Variants in SH3GL2 observed in about 807,000 individuals in gnomAD.
SH3GL2 encodes endophilin-A1.
SH3GL2 carries 24 observed loss-of-function variants against 46.0 expected under a neutral mutation model. The ratio of observed to expected loss-of-function variants is 0.52; its 90% CI spans 0.38 to 0.73. The LOEUF (loss-of-function observed/expected upper bound fraction) is 0.73, where lower values mean the gene tolerates loss of function less well. Among genes scored for constraint, SH3GL2 ranks in the 30% least tolerant of loss-of-function variants. The probability of loss-of-function intolerance (pLI) is 0.00; values close to 1 mark genes in which losing one functional copy is unlikely to be tolerated. For missense variants in SH3GL2, 413 were observed against 424.2 expected (o/e 0.97, Z 0.23); for synonymous variants, 196 against 147.1 (o/e 1.33, Z -2.40).
chr9:17,745,677 A>G (rs1448478693), intron 1 of SH3GL2, among the ~76,000 whole-genome samples: 1 of 152,094 alleles, frequency 6.6e-6, no homozygotes, highest in African/African-American at 2.4e-5. Context: ...GGGGTAAGCA[A>G]CACAGCTCAG....
intron 1 of SH3GL2, among the ~76,000 whole-genome samples, chr9:17,646,758 A>G (rs1382596337): frequency 6.6e-6 from 1 of 152,188 alleles, no homozygotes; most frequent in African/African-American, 2.4e-5. Flanking sequence ...TTCATCCCAC[A>G]GGGGCAACTG....
intron 6 of SH3GL2, among the ~76,000 whole-genome samples, chr9:17,790,902 A>G (rs1321472741): frequency 6.6e-6 from 1 of 152,200 alleles, no homozygotes; most frequent in East Asian, 1.9e-4. Context: ...CTTCTTTTCT[A>G]TAGAATAAAA....
chr9:17,741,538 A>G (rs1222062678), intron 1 of SH3GL2, among the ~76,000 whole-genome samples: 1 of 152,170 alleles, frequency 6.6e-6, no homozygotes, highest in African/African-American at 2.4e-5. Flanking sequence ...CCTGTTTTTG[A>G]TAGAGTAAAA....
intron 1 of SH3GL2, among the ~76,000 whole-genome samples, chr9:17,645,471 G>T (rs561387080): frequency 5.3e-5 from 8 of 152,022 alleles, no homozygotes; most frequent in Non-Finnish European, 8.8e-5. Flanking sequence ...TAATGTTGAC[G>T]TTCTTTACAA....
intron 1 of SH3GL2, among the ~76,000 whole-genome samples, chr9:17,703,674 G>T (rs1334203848): frequency 1.3e-5 from 2 of 151,818 alleles, no homozygotes; most frequent in Non-Finnish European, 2.9e-5. Flanking sequence ...TATGTGATTC[G>T]TCACATACAC....
At chr9:17,602,895 C>G (rs1818696419) in intron 1 of SH3GL2, among the ~76,000 whole-genome samples, 1 of 152,196 alleles carries the variant, frequency 6.6e-6, no homozygotes, top group Non-Finnish European at 1.5e-5. Context: ...CATCTTAAAT[C>G]CCCTGCAAAG....
intron 1 of SH3GL2, among the ~76,000 whole-genome samples, chr9:17,686,082 A>C (rs1359251972): frequency 9.2e-5 from 13 of 140,996 alleles, no homozygotes; most frequent in African/African-American, 2.0e-4. Context: ...CAATGAACTC[A>C]AACAAATTTA....
chr9:17,773,863 T>C (rs886841398), intron 3 of SH3GL2, among the ~76,000 whole-genome samples: 1 of 152,186 alleles, frequency 6.6e-6, no homozygotes, highest in African/African-American at 2.4e-5. Flanking sequence ...AGGGATTGCA[T>C]TGAATCTTTA....
Position 17,743,349 on chromosome 9 carries a change from G to A in SH3GL2, c.46-3717G>A, listed in dbSNP as rs114958252. On this transcript the variant is annotated intron_variant, in intron 1 of 8. Transcript: ENST00000380607. ...CTTTTTCCCCCAGGAATCTAATTAC[G>A]TAAGAAATTTTTTATATCAACCAAC... Among the ~76,000 whole-genome samples the A allele has an allele frequency of 1.8e-3, 273 of 152,026 alleles. 1 individual carries two copies. The highest frequency in any genetic ancestry group is 6.2e-3 in the African/African-American group (256 of 41,442).
intron 1 of SH3GL2, among the ~76,000 whole-genome samples, chr9:17,675,717 C>T (rs560346534): frequency 2.7e-4 from 41 of 152,188 alleles, no homozygotes; most frequent in African/African-American, 7.7e-4. Flanking sequence ...GAGGCCGAGG[C>T]GGGAGGATCA....
At position 17,686,649 on chromosome 9, in the gene SH3GL2, T is replaced by G. The variant is rs1173074857; in HGVS notation, c.46-60417T>G. Among the ~76,000 whole-genome samples, 4 of 96,566 alleles carry G rather than the reference T, an allele frequency of 4.1e-5. No homozygotes were observed. The East Asian group carries it at 1.4e-3, about 33-fold the overall frequency. 63.4% of individuals were successfully genotyped at this position (96,566 alleles called of 152,430 possible). ...TTCATGTCCTTTGTAGGGACATGGA[T>G]GAAATTGGAAATCATCATTCTCAGT... is the stretch of plus-strand genomic sequence containing the variant. On this transcript the variant is annotated intron_variant, in intron 1 of 8. Transcript: ENST00000380607.
At chr9:17,777,649 C>G (rs1486048191) in intron 3 of SH3GL2, among the ~76,000 whole-genome samples, 2 of 152,052 alleles carry the variant, frequency 1.3e-5, no homozygotes, top group African/African-American at 4.8e-5. Flanking sequence ...TAGACGCCTT[C>G]TCACTATGTC....
chr9:17,682,814 G>A (rs142886176), intron 1 of SH3GL2, among the ~76,000 whole-genome samples: 89 of 152,124 alleles, frequency 5.9e-4, no homozygotes, highest in African/African-American at 2.0e-3. Flanking sequence ...TTCCTCACAT[G>A]CTCATAGTTT....
At chr9:17,724,886 C>G (rs1265067566) in intron 1 of SH3GL2, among the ~76,000 whole-genome samples, 2 of 151,108 alleles carry the variant, frequency 1.3e-5, no homozygotes, top group African/African-American at 4.9e-5. Flanking sequence ...ATTTATTGAT[C>G]AATATTTGTG....
chr9:17,619,452 C>T (rs537486051), intron 1 of SH3GL2, among the ~76,000 whole-genome samples: 2 of 152,196 alleles, frequency 1.3e-5, no homozygotes, highest in East Asian at 3.9e-4. Flanking sequence ...CTGAGCCAGG[C>T]AGATTACCTG....
At chr9:17,762,118 G>T (rs1823192546) in intron 3 of SH3GL2, among the ~76,000 whole-genome samples, 1 of 152,052 alleles carries the variant, frequency 6.6e-6, no homozygotes, top group Admixed American at 6.6e-5. Context: ...GTAGGCACTA[G>T]GTATAGCAAA....
intron 1 of SH3GL2, among the ~76,000 whole-genome samples, chr9:17,722,934 T>G (rs1821931459): frequency 6.6e-6 from 1 of 152,138 alleles, no homozygotes; most frequent in African/African-American, 2.4e-5. Context: ...TCACTGCTGA[T>G]CCTTTCTCTC....
At chr9:17,641,045 T>C (rs1173305894) in intron 1 of SH3GL2, among the ~76,000 whole-genome samples, 2 of 152,200 alleles carry the variant, frequency 1.3e-5, no homozygotes, top group Non-Finnish European at 2.9e-5. Flanking sequence ...ATAAGCAAGT[T>C]GAAAAAAATT....
At position 17,793,459 on chromosome 9, in the gene SH3GL2, A is replaced by C; in HGVS notation, c.821A>C (p.Asn274Thr). Reference sequence around the variant, plus strand: ...CCAACTGGAGACAGTACTCAGCCCAATGGGGGTCTCTCCCACACAGGCACT... The same window carrying C: ...CCAACTGGAGACAGTACTCAGCCCACTGGGGGTCTCTCCCACACAGGCACT... ...EFPTGDSTQP[N>T]GGLSHTGTPK... The change falls in exon 8 of 9, where the codon AAT (asparagine) becomes ACT (threonine). Residue 274 changes from asparagine to threonine, a missense_variant. Asn to Thr is a moderately conservative substitution (Grantham distance 65). Coordinates refer to ENST00000380607, the MANE Select transcript of SH3GL2 (RefSeq NM_003026.5). The C allele has an allele frequency of 6.2e-7, 1 of 1,612,372 alleles. No individual in the cohort carries two copies. Among genetic ancestry groups the C allele is most frequent in the Non-Finnish European group, 8.5e-7 (1 of 1,179,504 alleles).
Sources: allele counts gnomAD v4.1 joint callset (sites outside exome capture counted in the v4.1 genomes callset), GRCh38; gene constraint gnomAD v4.1.1; transcripts MANE v1.5; gene names NCBI Gene and HGNC (gene_info 2026-07-23, HGNC 2026-07-21).